The following DYTN variants were observed in gnomAD, a reference collection of about 807,000 sequenced individuals.
DYTN encodes the protein dystrotelin.
DYTN carries 75 observed loss-of-function variants against 69.6 expected under a neutral mutation model. The ratio of observed to expected loss-of-function variants is 1.08; its 90% CI spans 0.89 to 1.31. The LOEUF (loss-of-function observed/expected upper bound fraction) is 1.31. Among genes scored for constraint, DYTN ranks in the 50% most tolerant of loss-of-function variants. The pLI, the probability that DYTN is intolerant of heterozygous loss-of-function variation, is 0.00. For missense variants in DYTN, 726 were observed against 688.4 expected (o/e 1.05, Z -0.61); for synonymous variants, 252 against 249.1 (o/e 1.01, Z -0.11).
Position 206,694,828 on chromosome 2 carries a change from A to G in DYTN, c.769T>C (p.Leu257=). 6.2e-7 allele frequency: 1 copy of G among 1,611,848 alleles called. No individual in the cohort carries two copies. Among genetic ancestry groups the G allele is most frequent in the Non-Finnish European group, 8.5e-7 (1 of 1,179,260 alleles). ...TGGGACTTGCTGTGAAGACCAGATA[A>G]GAAACACATCTGGCAGATGTCAAAG... The part of the protein sequence containing the change: ...LNFDICQMCF[L]SGLHSKSHQK... The change falls in exon 8 of 12, where the codon TTA becomes CTA. Residue 257 remains leucine, a synonymous_variant. Coordinates refer to ENST00000452335, the MANE Select transcript of DYTN (RefSeq NM_001093730.1).
chr2:206,716,225 A>G (rs1700129248), intron 1 of DYTN, among the ~76,000 whole-genome samples: 1 of 152,132 alleles, frequency 6.6e-6, no homozygotes, highest in South Asian at 2.1e-4. Flanking sequence ...TGTGGGGTAA[A>G]GTACTAGCTG....
At chr2:206,700,273 G>A (rs1699963653) in intron 5 of DYTN, 57 bp from the exon 6 acceptor site, 23 of 1,596,560 alleles carry the variant, frequency 1.4e-5, no homozygotes, top group Middle Eastern at 1.7e-4. Flanking sequence ...GTCGTCTCCG[G>A]GAGCAGCAGG....
chr2:206,705,133 G>T (rs570854948), intron 4 of DYTN, 190 bp from the exon 5 acceptor site: 6 of 579,278 alleles, frequency 1.0e-5, no homozygotes, highest in Non-Finnish European at 1.8e-5. Flanking sequence ...TTTTGTTCCT[G>T]TTCCCCAGGT....
rs754763320 is a variant in DYTN, at chr2:206,662,904, T to C, written c.1632A>G (p.Ser544=). 2 of 1,610,988 alleles carry C rather than the reference T, an allele frequency of 1.2e-6. No homozygotes were observed. The highest frequency in any genetic ancestry group is 1.7e-6 in the Non-Finnish European group (2 of 1,178,796). Residue 544 remains serine (S), a splice_region_variant and synonymous_variant, in exon 11 of 12, where the codon TCA becomes TCG. Transcript: ENST00000452335. ...LMDAFNLETP[S]GPESSVNMDL... is the part of the protein sequence containing the mutation. ...GTCTATGGATTGTGAAAACCTTACC[T>C]GATGGCGTTTCTAGATTGAAGGCAT... is the stretch of plus-strand genomic sequence containing the variant.
intron 10 of DYTN, among the ~76,000 whole-genome samples, chr2:206,664,054 C>T (rs1372287430): frequency 6.6e-6 from 1 of 151,344 alleles, no homozygotes; most frequent in East Asian, 1.9e-4. Flanking sequence ...GTATTCTTCA[C>T]CCTCATACAC....
At chr2:206,700,105 T>A (rs1481917587) in intron 6 of DYTN, 40 bp downstream of exon 6, 1 of 1,610,562 alleles carries the variant, frequency 6.2e-7, no homozygotes, top group Non-Finnish European at 8.5e-7. Context: ...CAATACACCG[T>A]GTCTGTCCCC....
At chr2:206,653,335 A>G (rs896420210) in intron 11 of DYTN, among the ~76,000 whole-genome samples, 1 of 152,194 alleles carries the variant, frequency 6.6e-6, no homozygotes, top group East Asian at 1.9e-4. Context: ...AAAATAGCCA[A>G]AAATATGCAC....
chr2:206,718,145 A>G, intron 1 of DYTN, 116 bp downstream of exon 1: 1 of 1,071,840 alleles, frequency 9.3e-7, no homozygotes, highest in Non-Finnish European at 1.3e-6. Context: ...TTTCTTTTTC[A>G]GCCAGAAATT....
At chr2:206,674,183 C>A (rs1376920892) in intron 9 of DYTN, among the ~76,000 whole-genome samples, 2 of 151,206 alleles carry the variant, frequency 1.3e-5, no homozygotes, top group African/African-American at 4.9e-5. Context: ...ATTTTCTTAG[C>A]AGATATTTAG....
intron 10 of DYTN, among the ~76,000 whole-genome samples, chr2:206,665,017 T>C (rs1699554738): frequency 6.6e-6 from 1 of 152,238 alleles, no homozygotes; most frequent in Admixed American, 6.5e-5. Context: ...TAAGAAGCTG[T>C]CATGTATCAT....
At chr2:206,700,124 G>A (rs778749183) in intron 6 of DYTN, 21 bp downstream of exon 6, 29 of 1,613,584 alleles carry the variant, frequency 1.8e-5, no homozygotes, top group Non-Finnish European at 2.3e-5. Context: ...CCAACTCCAG[G>A]GACATTTGCA....
Position 206,694,838 on chromosome 2 carries a change from C to G in DYTN, c.759G>C (p.Gln253His), listed in dbSNP as rs1188070476. The G allele has an allele frequency of 6.2e-7, 1 of 1,610,138 alleles. No individual in the cohort carries two copies. Among genetic ancestry groups the G allele is most frequent in the African/African-American group, 1.3e-5 (1 of 74,452 alleles). The change falls in exon 8 of 12, where the codon CAG becomes CAC. Residue 253 changes from glutamine to histidine, a missense_variant. By Grantham distance (24) the Gln-to-His change is conservative. Coordinates refer to ENST00000452335, the MANE Select transcript of DYTN (RefSeq NM_001093730.1). Reference sequence around the variant, plus strand: ...TGTGAAGACCAGATAAGAAACACATCTGGCAGATGTCAAAGTTGAGACACT... The same window carrying G: ...TGTGAAGACCAGATAAGAAACACATGTGGCAGATGTCAAAGTTGAGACACT... ...CLKCLNFDICQMCFLSGLHSK... is the reference protein window; with the variant it reads ...CLKCLNFDICHMCFLSGLHSK...
intron 1 of DYTN, among the ~76,000 whole-genome samples, chr2:206,717,078 A>ACACACACACACACACACAC (rs572773145): frequency 6.7e-6 from 1 of 148,862 alleles, no homozygotes; most frequent in Non-Finnish European, 1.5e-5. Context: ...ACACACACAC[A>ACACACACACACACACACAC]AAACAAACTC....
intron 9 of DYTN, among the ~76,000 whole-genome samples, chr2:206,675,233 G>A (rs1264608270): frequency 7.0e-6 from 1 of 143,540 alleles, no homozygotes; most frequent in Non-Finnish European, 1.5e-5. Context: ...AAATATATAT[G>A]TATATATGTA....
chr2:206,700,303 G>A (rs898012698), intron 5 of DYTN, 87 bp from the exon 6 acceptor site: 15 of 1,417,958 alleles, frequency 1.1e-5, no homozygotes, highest in Middle Eastern at 1.8e-4. Flanking sequence ...TGGTGCCCAC[G>A]GCTGTGTAGT....
intron 9 of DYTN, among the ~76,000 whole-genome samples, chr2:206,675,165 TTAAA>T (rs564890000): frequency 8.5e-6 from 1 of 117,206 alleles, no homozygotes; most frequent in Non-Finnish European, 1.7e-5. Flanking sequence ...GTATATATAT[TTAAA>T]TATATATACA....
At chr2:206,666,539 A>C (rs186030580) in intron 9 of DYTN, among the ~76,000 whole-genome samples, 6 of 152,112 alleles carry the variant, frequency 3.9e-5, no homozygotes, top group Admixed American at 6.5e-5. Context: ...TTTATACACT[A>C]TCCTTTTGTC....
At chr2:206,717,079 A>ACACACACACACACAC (rs1194032966) in intron 1 of DYTN, among the ~76,000 whole-genome samples, 7,830 of 136,376 alleles carry the variant, frequency 0.057, 259 homozygotes, top group East Asian at 0.092. Context: ...CACACACACA[A>ACACACACACACACAC]AACAAACTCA....
At chr2:206,690,913 T>C (rs1322451991) in intron 9 of DYTN, among the ~76,000 whole-genome samples, 5 of 151,954 alleles carry the variant, frequency 3.3e-5, no homozygotes, top group African/African-American at 1.2e-4. Context: ...GCTGGAGAGA[T>C]TAAGATGGTG....
Sources: gnomAD v4.1 joint callset for allele counts (sites outside exome capture counted in the v4.1 genomes callset) on GRCh38, gnomAD v4.1.1 for gene constraint, MANE v1.5 for transcripts, NCBI Gene and HGNC (gene_info 2026-07-23, HGNC 2026-07-21) for gene names.